The following UGT2A2 variants were observed in gnomAD, a reference collection of about 807,000 sequenced individuals.
UGT2A2 encodes UDP-glucuronosyltransferase 2A2.
Under a neutral mutation model 50.7 loss-of-function variants are expected in UGT2A2, and 60 were observed. The observed-to-expected ratio is 1.18, with a 90% confidence interval of 0.96 to 1.47. The LOEUF (loss-of-function observed/expected upper bound fraction) is 1.47, where lower values mean the gene tolerates loss of function less well. UGT2A2 is among the 40% of genes most tolerant of loss of function. UGT2A2 has a pLI of 0.00. For missense variants in UGT2A2, 762 were observed against 634.0 expected, an observed-to-expected ratio of 1.20 and a Z score of -2.17; for synonymous variants, 242 against 214.6, an observed-to-expected ratio of 1.13 and a Z score of -1.11.
chr4:69,614,847 G>A (rs141441211), intron 1 of UGT2A2, among the ~76,000 whole-genome samples: 3 of 152,036 alleles, frequency 2.0e-5, no homozygotes, highest in Non-Finnish European at 4.4e-5. Flanking sequence ...ATAAAGAAAA[G>A]AGGTTTAATT....
At chr4:69,619,502 G>A (rs1426453069) in intron 1 of UGT2A2, among the ~76,000 whole-genome samples, 1 of 151,682 alleles carries the variant, frequency 6.6e-6, no homozygotes, top group East Asian at 1.9e-4. Context: ...AAACAAAAGT[G>A]AAATTTTAAA....
intron 1 of UGT2A2, among the ~76,000 whole-genome samples, chr4:69,628,856 A>G (rs538410354): frequency 4.3e-4 from 65 of 151,714 alleles, no homozygotes; most frequent in Non-Finnish European, 1.2e-4. Flanking sequence ...TATGGTCTAT[A>G]TTGAAATTCA....
chr4:69,612,243 T>C (rs1377666435), intron 1 of UGT2A2, among the ~76,000 whole-genome samples: 1 of 151,992 alleles, frequency 6.6e-6, no homozygotes, highest in Non-Finnish European at 1.5e-5. Flanking sequence ...TGAAATAGAA[T>C]ATAAAATTAT....
rs1719473395 is a variant in UGT2A2 at position 69,604,339 on chromosome 4, G to T, written c.743-4945C>A. On this transcript the variant is annotated intron_variant, in intron 1 of 5. Coordinates refer to ENST00000604629, the MANE Select transcript of UGT2A2 (RefSeq NM_001105677.2). ...ACTAAGCTTCATAAGAGGAGAAGGA[G>T]AAATAAAATACTTTAGAGACAAGCA... Among the ~76,000 whole-genome samples the T allele has an allele frequency of 2.2e-5, 3 of 135,706 alleles. 1 individual carries two copies. The highest frequency in any genetic ancestry group is 1.6e-5 in the Non-Finnish European group (1 of 64,044). The allele number at this position is 135,706 out of a possible 152,430, so 89.0% of individuals were successfully genotyped here. A position where few individuals can be genotyped will look rare whatever the true frequency, so the allele number is the denominator to read the frequency against.
chr4:69,625,704 G>A (rs1333184224), intron 1 of UGT2A2, among the ~76,000 whole-genome samples: 7 of 151,082 alleles, frequency 4.6e-5, no homozygotes. Flanking sequence ...TAGCACTTAT[G>A]TAAATTTAAA....
chr4:69,621,192 C>G (rs1361309675), intron 1 of UGT2A2, among the ~76,000 whole-genome samples: 1 of 151,900 alleles, frequency 6.6e-6, no homozygotes, highest in African/African-American at 2.4e-5. Context: ...GCAAAATAAA[C>G]TATCAACAGT....
chr4:69,620,466 A>G (rs1720684344), intron 1 of UGT2A2, among the ~76,000 whole-genome samples: 1 of 147,880 alleles, frequency 6.8e-6, no homozygotes, highest in Non-Finnish European at 1.5e-5. Flanking sequence ...AACACTGCTC[A>G]AAGAAATCAG....
intron 1 of UGT2A2, among the ~76,000 whole-genome samples, chr4:69,605,661 C>T (rs1452783840): frequency 7.4e-6 from 1 of 135,720 alleles, no homozygotes; most frequent in Admixed American, 7.3e-5. Context: ...ATCAACCAAA[C>T]TGATAGACCA....
Position 69,638,982 on chromosome 4 carries a change from T to G in UGT2A2, c.659A>C (p.Lys220Thr). ...TTGCAGAGAATAAGATATGGTATTT[T>G]TAATCCTTTCACCAAAGGTCATCTG... ...TDQMTFGERI[K>T]NTISYSLQDY... Residue 220 changes from lysine (K) to threonine (T), a missense_variant, in exon 1 of 6, where the codon AAA becomes ACA. Coordinates refer to ENST00000604629, the MANE Select transcript of UGT2A2 (RefSeq NM_001105677.2). 1 of 1,613,084 alleles carries G rather than the reference T, an allele frequency of 6.2e-7. No individual in the cohort carries two copies. Among genetic ancestry groups the G allele is most frequent in the African/African-American group, 1.3e-5 (1 of 75,036 alleles).
chr4:69,621,641 C>G (rs1409735923), intron 1 of UGT2A2, among the ~76,000 whole-genome samples: 1 of 151,752 alleles, frequency 6.6e-6, no homozygotes, highest in Non-Finnish European at 1.5e-5. Context: ...CCCAGCAATC[C>G]CATTCCTGGG....
At chr4:69,632,867 G>A (rs897533862) in intron 1 of UGT2A2, among the ~76,000 whole-genome samples, 2 of 147,290 alleles carry the variant, frequency 1.4e-5, no homozygotes, top group Non-Finnish European at 3.0e-5. Flanking sequence ...CAGCCTGAGC[G>A]ACAGTGCAAG....
intron 1 of UGT2A2, among the ~76,000 whole-genome samples, chr4:69,604,782 T>C (rs1577958078): frequency 7.3e-6 from 1 of 136,238 alleles, no homozygotes; most frequent in South Asian, 2.4e-4. Context: ...TAGTCTCTGA[T>C]AAAACAGACC....
In UGT2A2 at chr4:69,599,226, C is replaced by T. The variant is rs764083913; in HGVS notation, c.891+20G>A. On this transcript the variant is annotated intron_variant, in intron 2 of 5. Transcript: ENST00000604629. The stretch of plus-strand genomic sequence containing the variant: ...ATTTTATTATGAAGAGCATAAAATC[C>T]TCCACTGTTGTAGACCTACCTTAGG... 5.7e-6 allele frequency: 9 copies of T among 1,588,470 alleles called. No homozygotes were observed. The African/African-American group carries it at 9.6e-5, about 17-fold the overall frequency.
At chr4:69,626,587 G>A (rs58414329) in intron 1 of UGT2A2, among the ~76,000 whole-genome samples, 53,085 of 151,096 alleles carry the variant, frequency 0.35, 9,678 homozygotes, top group African/African-American at 0.43. Flanking sequence ...GTGACACGCA[G>A]TATACTCAGA....
intron 1 of UGT2A2, among the ~76,000 whole-genome samples, chr4:69,627,364 C>T (rs1283709571): frequency 6.6e-6 from 1 of 151,778 alleles, no homozygotes; most frequent in Non-Finnish European, 1.5e-5. Context: ...ACTCATATCA[C>T]ATACTACATT....
At chr4:69,595,286 C>T in intron 3 of UGT2A2, 37 bp from the exon 4 acceptor site, 2 of 1,606,286 alleles carry the variant, frequency 1.2e-6, no homozygotes, top group South Asian at 1.1e-5. Flanking sequence ...CAAGGAAAAA[C>T]ACAATGAGGA....
At chr4:69,631,739 A>G (rs568332869) in intron 1 of UGT2A2, among the ~76,000 whole-genome samples, 1 of 152,284 alleles carries the variant, frequency 6.6e-6, no homozygotes, top group South Asian at 2.1e-4. Context: ...CCACTACATC[A>G]GGGTATTTTG....
In UGT2A2 at chr4:69,602,661, T is replaced by C. The variant is rs994757573; in HGVS notation, c.743-3267A>G. On this transcript the variant is annotated intron_variant, in intron 1 of 5. Transcript: ENST00000604629. ...GAAGATTTAATTTAAAAACTAAATT[T>C]CCACTGAAAAACTTGGAATAGTTTT... Among the ~76,000 whole-genome samples, 2 of 137,698 alleles carry C rather than the reference T, an allele frequency of 1.5e-5. 1 individual carries two copies. 90.3% of individuals were successfully genotyped at this position (137,698 alleles called of 152,430 possible).
intron 1 of UGT2A2, among the ~76,000 whole-genome samples, chr4:69,608,867 G>A (rs1378000553): frequency 6.6e-6 from 1 of 151,662 alleles, no homozygotes; most frequent in East Asian, 2.0e-4. Context: ...AGTAATTTTT[G>A]TAAAAAATAA....
Sources: allele counts gnomAD v4.1 joint callset (sites outside exome capture counted in the v4.1 genomes callset), GRCh38; gene constraint gnomAD v4.1.1; transcripts MANE v1.5; gene names NCBI Gene and HGNC (gene_info 2026-07-23, HGNC 2026-07-21).